Variants in SDK1 observed in about 807,000 individuals in gnomAD.
The protein encoded by SDK1 is protein sidekick-1.
Under a neutral mutation model 245.5 loss-of-function variants are expected in SDK1, and 157 were observed. That is an observed-to-expected ratio of 0.64 (90% confidence interval 0.56 to 0.73). SDK1 has a LOEUF of 0.73. Ranked by LOEUF, SDK1 falls within the 30% of genes least tolerant of loss-of-function variation. SDK1 has a pLI of 0.00. For synonymous variants in SDK1, 1,647 were observed against 1,278.5 expected, an observed-to-expected ratio of 1.29 and a Z score of -6.15; for missense variants, 3,583 against 3,002.3, an observed-to-expected ratio of 1.19 and a Z score of -4.52.
At chr7:3,392,459 A>C (rs1426817021) in intron 1 of SDK1, among the ~76,000 whole-genome samples, 1 of 152,112 alleles carries the variant, frequency 6.6e-6, no homozygotes, top group Non-Finnish European at 1.5e-5. Flanking sequence ...ATATATACAC[A>C]CATATAGCAT....
chr7:4,181,592 C>A (rs1434827906), intron 35 of SDK1, among the ~76,000 whole-genome samples: 2 of 152,144 alleles, frequency 1.3e-5, no homozygotes, highest in African/African-American at 4.8e-5. Context: ...GCCCTCCTTT[C>A]CAGAGGCCTG....
At chr7:3,935,220 T>C (rs2128118968) in intron 5 of SDK1, among the ~76,000 whole-genome samples, 1 of 152,294 alleles carries the variant, frequency 6.6e-6, no homozygotes, top group African/African-American at 2.4e-5. Flanking sequence ...TAACAGAGTG[T>C]AGCAGGTGCA....
At chr7:3,386,409 T>A (rs958712232) in intron 1 of SDK1, among the ~76,000 whole-genome samples, 4 of 152,228 alleles carry the variant, frequency 2.6e-5, no homozygotes, top group Non-Finnish European at 4.4e-5. Flanking sequence ...GAATGTGATT[T>A]AGCTTTATAT....
intron 1 of SDK1, among the ~76,000 whole-genome samples, chr7:3,538,031 T>C (rs527817018): frequency 1.3e-5 from 2 of 152,298 alleles, no homozygotes; most frequent in East Asian, 1.9e-4. Flanking sequence ...TTCCTGCCTT[T>C]CGTGGAGTCT....
chr7:3,511,746 AAATC>A (rs1160294945), intron 1 of SDK1, among the ~76,000 whole-genome samples: 13 of 152,012 alleles, frequency 8.6e-5, no homozygotes, highest in African/African-American at 3.1e-4. Flanking sequence ...TAAGCATACA[AAATC>A]AACCATTATT....
chr7:3,742,885 G>C (rs1562410397), intron 4 of SDK1, among the ~76,000 whole-genome samples: 1 of 152,120 alleles, frequency 6.6e-6, no homozygotes, highest in Non-Finnish European at 1.5e-5. Context: ...TGTTAGAAAG[G>C]AATTTTTGCA....
At chr7:3,761,605 G>A (rs982076751) in intron 4 of SDK1, among the ~76,000 whole-genome samples, 1 of 150,916 alleles carries the variant, frequency 6.6e-6, no homozygotes, top group Admixed American at 6.6e-5. Context: ...AAGGATGAAG[G>A]TAGGGAAAAA....
intron 1 of SDK1, among the ~76,000 whole-genome samples, chr7:3,559,030 C>T (rs1468750441): frequency 6.6e-6 from 1 of 152,120 alleles, no homozygotes; most frequent in Non-Finnish European, 1.5e-5. Flanking sequence ...TATCCTGTTG[C>T]ATACAGGATG....
At chr7:3,536,669 G>A (rs1190823389) in intron 1 of SDK1, among the ~76,000 whole-genome samples, 1 of 151,800 alleles carries the variant, frequency 6.6e-6, no homozygotes, top group East Asian at 1.9e-4. Context: ...ACTCCAGCCT[G>A]GGCAACAGAG....
chr7:4,063,323 TAAATC>T (rs1282103978), intron 19 of SDK1, among the ~76,000 whole-genome samples: 1 of 152,034 alleles, frequency 6.6e-6, no homozygotes, highest in Non-Finnish European at 1.5e-5. Flanking sequence ...AGCTGAGAAA[TAAATC>T]AAGAAGTTGA....
chr7:3,354,121 C>T (rs1488989801), intron 1 of SDK1, among the ~76,000 whole-genome samples: 1 of 151,712 alleles, frequency 6.6e-6, no homozygotes, highest in African/African-American at 2.4e-5. Context: ...GCCTCAGCCT[C>T]CCAAGTAGCT....
intron 4 of SDK1, among the ~76,000 whole-genome samples, chr7:3,797,134 G>C (rs1486026374): frequency 2.0e-5 from 3 of 151,918 alleles, no homozygotes; most frequent in South Asian, 2.1e-4. Flanking sequence ...AGTCTCACAA[G>C]TACCTGGGAC....
intron 1 of SDK1, among the ~76,000 whole-genome samples, chr7:3,614,140 T>G (rs1019411618): frequency 6.6e-6 from 1 of 152,182 alleles, no homozygotes; most frequent in African/African-American, 2.4e-5. Flanking sequence ...TTAAAAATTA[T>G]GATGTTGTCT....
At chr7:4,060,724 T>C (rs1022062587) in intron 19 of SDK1, among the ~76,000 whole-genome samples, 1 of 152,194 alleles carries the variant, frequency 6.6e-6, no homozygotes, top group Non-Finnish European at 1.5e-5. Context: ...CCCATGCCTA[T>C]GTCCGGAATG....
At chr7:3,408,990 A>G (rs1341857798) in intron 1 of SDK1, among the ~76,000 whole-genome samples, 2 of 152,206 alleles carry the variant, frequency 1.3e-5, no homozygotes, top group Non-Finnish European at 2.9e-5. Context: ...TCTCAGCCCT[A>G]TTGACAGTTG....
intron 30 of SDK1, among the ~76,000 whole-genome samples, chr7:4,154,084 T>G (rs952487504): frequency 2.0e-5 from 3 of 152,194 alleles, no homozygotes; most frequent in African/African-American, 7.2e-5. Flanking sequence ...CATTTTATAA[T>G]AGAACCAAAA....
chr7:3,934,114 T>C (rs191031283), intron 5 of SDK1, among the ~76,000 whole-genome samples: 2 of 152,380 alleles, frequency 1.3e-5, no homozygotes, highest in Admixed American at 1.3e-4. Flanking sequence ...TAATTTCTAC[T>C]CTGTGAGTTG....
chr7:4,046,871 G>C (rs569221970), intron 17 of SDK1, among the ~76,000 whole-genome samples: 1 of 151,874 alleles, frequency 6.6e-6, no homozygotes, highest in South Asian at 2.1e-4. Context: ...ACCCAGGCTG[G>C]AGTGCAGTGT....
chr7:4,093,722 G>A (rs866099364), intron 22 of SDK1, among the ~76,000 whole-genome samples: 1 of 152,300 alleles, frequency 6.6e-6, no homozygotes, highest in South Asian at 2.1e-4. Context: ...CGGTGAAGTC[G>A]GGGGCGTGAA....
Sources: gnomAD v4.1 joint callset for allele counts (sites outside exome capture counted in the v4.1 genomes callset) on GRCh38, gnomAD v4.1.1 for gene constraint, MANE v1.5 for transcripts, NCBI Gene and HGNC (gene_info 2026-07-23, HGNC 2026-07-21) for gene names.